Variants in TMEM117 observed in about 807,000 individuals in gnomAD.
The protein encoded by TMEM117 is transmembrane protein 117.
In TMEM117, 27 loss-of-function variants were observed where a neutral mutation model predicts 52.4. That is an observed-to-expected ratio of 0.51 (90% CI 0.38 to 0.71). The LOEUF (loss-of-function observed/expected upper bound fraction) is 0.71, where lower values mean the gene tolerates loss of function less well. TMEM117 is among the 30% of genes least tolerant of loss of function. The probability of loss-of-function intolerance (pLI) is 0.00; values close to 1 mark genes in which losing one functional copy is unlikely to be tolerated. For synonymous variants in TMEM117, 215 were observed against 206.3 expected (o/e 1.04, Z -0.36); for missense variants, 556 against 630.5 (o/e 0.88, Z 1.26).
intron 2 of TMEM117, among the ~76,000 whole-genome samples, chr12:43,924,452 T>TA (rs1262655073): frequency 6.6e-6 from 1 of 152,196 alleles, no homozygotes; most frequent in African/African-American, 2.4e-5. Flanking sequence ...ACAGTAGAGA[T>TA]AAAAAATGCC....
At chr12:44,062,750 T>C (rs926936495) in intron 3 of TMEM117, among the ~76,000 whole-genome samples, 9 of 152,172 alleles carry the variant, frequency 5.9e-5, no homozygotes, top group African/African-American at 2.2e-4. Context: ...TAGTGACTTA[T>C]GAACCATTGC....
At chr12:44,246,838 A>T (rs1317907621) in intron 5 of TMEM117, among the ~76,000 whole-genome samples, 3 of 152,162 alleles carry the variant, frequency 2.0e-5, no homozygotes, top group Non-Finnish European at 4.4e-5. Flanking sequence ...CCTGGGGTTT[A>T]TATTTGTGGT....
chr12:44,300,854 TG>T (rs1241599842), intron 6 of TMEM117, among the ~76,000 whole-genome samples: 1 of 152,236 alleles, frequency 6.6e-6, no homozygotes, highest in Non-Finnish European at 1.5e-5. Context: ...AATCTGACTT[TG>T]AGTTAGACAG....
intron 2 of TMEM117, among the ~76,000 whole-genome samples, chr12:43,845,819 T>A (rs149617360): frequency 6.6e-6 from 1 of 152,176 alleles, no homozygotes; most frequent in African/African-American, 2.4e-5. Context: ...TGTGATAGTT[T>A]GCTCAGAATG....
At chr12:43,969,532 T>A (rs11182358) in intron 3 of TMEM117, among the ~76,000 whole-genome samples, 119,119 of 150,174 alleles carry the variant, frequency 0.79, 48,771 homozygotes, top group Non-Finnish European at 0.89. Context: ...AAAAAAATAA[T>A]AATAATAATT....
intron 7 of TMEM117, among the ~76,000 whole-genome samples, chr12:44,386,966 T>C (rs1367698151): frequency 2.0e-5 from 3 of 151,994 alleles, no homozygotes; most frequent in Non-Finnish European, 1.5e-5. Context: ...CGTTAAATAA[T>C]GTTACTTCAA....
intron 3 of TMEM117, among the ~76,000 whole-genome samples, chr12:43,974,556 C>T (rs1400599284): frequency 6.6e-6 from 1 of 151,992 alleles, no homozygotes; most frequent in African/African-American, 2.4e-5. Context: ...CGGTTAACAC[C>T]TGATAGTGAG....
chr12:44,362,704 ATAGT>A lies in TMEM117; in HGVS notation c.769-13887_769-13884del, dbSNP rs1476923154. On this transcript the variant is annotated intron_variant, in intron 6 of 7. Transcript: ENST00000266534. ...GAAAAATAATGGTTGGAAATCAAAGATAGTTAGAGTAAAGAGAAGTGACAAGGAC... is the reference window on the plus strand; with the variant it reads ...GAAAAATAATGGTTGGAAATCAAAGATAGAGTAAAGAGAAGTGACAAGGAC... 3.3e-5 allele frequency among the ~76,000 whole-genome samples: 5 copies of A among 152,268 alleles called. No homozygotes were observed. The South Asian group carries it at 6.2e-4, about 19-fold the overall frequency.
At chr12:43,836,237 C>T (rs1592293913) in intron 1 of TMEM117, 41 bp downstream of exon 1, 3 of 152,420 alleles carry the variant, frequency 2.0e-5, no homozygotes, top group African/African-American at 7.2e-5. Context: ...CCTCCCCAGC[C>T]GTTCGGTCCA....
At chr12:44,286,461 A>T (rs1950640308) in intron 5 of TMEM117, among the ~76,000 whole-genome samples, 1 of 152,148 alleles carries the variant, frequency 6.6e-6, no homozygotes, top group Non-Finnish European at 1.5e-5. Flanking sequence ...AATGAAAATT[A>T]AATTGCATGA....
chr12:44,032,843 G>T (rs1238182089), intron 3 of TMEM117, among the ~76,000 whole-genome samples: 1 of 152,262 alleles, frequency 6.6e-6, no homozygotes, highest in South Asian at 2.1e-4. Flanking sequence ...AGAAGTTACA[G>T]AAGATGGATC....
At chr12:44,220,890 T>C (rs1342460424) in intron 5 of TMEM117, among the ~76,000 whole-genome samples, 1 of 152,142 alleles carries the variant, frequency 6.6e-6, no homozygotes, top group Non-Finnish European at 1.5e-5. Flanking sequence ...AGTTCATACT[T>C]AGATAAAAAT....
At chr12:43,933,538 C>T (rs1467700094) in intron 2 of TMEM117, among the ~76,000 whole-genome samples, 1 of 151,852 alleles carries the variant, frequency 6.6e-6, no homozygotes, top group Non-Finnish European at 1.5e-5. Flanking sequence ...ACTATACTTT[C>T]TATCTCATTG....
At chr12:44,140,625 A>T (rs1948557685) in intron 3 of TMEM117, among the ~76,000 whole-genome samples, 1 of 152,126 alleles carries the variant, frequency 6.6e-6, no homozygotes, top group Non-Finnish European at 1.5e-5. Context: ...TTATTTTTCC[A>T]CAAAACATTT....
intron 3 of TMEM117, among the ~76,000 whole-genome samples, chr12:44,060,198 T>TTA (rs1362473300): frequency 2.6e-5 from 4 of 152,192 alleles, no homozygotes; most frequent in Admixed American, 6.5e-5. Flanking sequence ...TGTTTGATTT[T>TTA]TTCTTCTTGT....
chr12:44,250,970 G>A (rs957294106), intron 5 of TMEM117, among the ~76,000 whole-genome samples: 2 of 152,038 alleles, frequency 1.3e-5, no homozygotes, highest in African/African-American at 2.4e-5. Flanking sequence ...AAACCTACAC[G>A]TTCTGCACTT....
At chr12:44,174,438 T>A (rs1195447758) in intron 4 of TMEM117, among the ~76,000 whole-genome samples, 1 of 152,240 alleles carries the variant, frequency 6.6e-6, no homozygotes, top group East Asian at 1.9e-4. Flanking sequence ...CAATCCCTGC[T>A]CACTATACTT....
rs1048142258 is a variant in TMEM117, at chr12:44,388,852, A to G, written c.*180A>G. On this transcript the variant is annotated 3_prime_UTR_variant, in exon 8 of 8. Transcript: ENST00000266534. Reference sequence around the variant, plus strand: ...TTGTTTTCTATTTGTATTATAATACACGTGCCTACTGTATACTCAACAGTC... The same window carrying G: ...TTGTTTTCTATTTGTATTATAATACGCGTGCCTACTGTATACTCAACAGTC... 1.2e-5 allele frequency: 8 copies of G among 686,784 alleles called. No individual in the cohort carries two copies. Among genetic ancestry groups the G allele is most frequent in the Non-Finnish European group, 1.7e-5 (7 of 419,368 alleles). The allele number at this position is 686,784 out of a possible 1,614,324, so 42.5% of individuals were successfully genotyped here. A position where few individuals can be genotyped will look rare whatever the true frequency, so the allele number is the denominator to read the frequency against.
chr12:44,212,812 T>G (rs746131540), intron 5 of TMEM117, among the ~76,000 whole-genome samples: 3 of 151,932 alleles, frequency 2.0e-5, no homozygotes, highest in Non-Finnish European at 2.9e-5. Context: ...TTTTTTTTAA[T>G]GCAAAAGCTT....
Sources: allele counts gnomAD v4.1 joint callset (sites outside exome capture counted in the v4.1 genomes callset), GRCh38; gene constraint gnomAD v4.1.1; transcripts MANE v1.5; gene names NCBI Gene and HGNC (gene_info 2026-07-23, HGNC 2026-07-21).